AHI1: variants seen among roughly 807,000 people sequenced by gnomAD.
AHI1 encodes Abelson helper integration site 1.
A neutral mutation model predicts 149.3 loss-of-function variants in AHI1; 123 were observed. The observed-to-expected ratio is 0.82, with a 90% CI of 0.71 to 0.96. AHI1 has a LOEUF of 0.96. AHI1 is among the 40% of genes least tolerant of loss of function. The pLI is 0.00. For missense variants in AHI1, 1,439 were observed against 1,422.7 expected, an observed-to-expected ratio of 1.01 and a Z score of -0.18; for synonymous variants, 475 against 459.8, an observed-to-expected ratio of 1.03 and a Z score of -0.42.
chr6:135,431,116 C>T (rs1784591966), intron 17 of AHI1, 92 bp downstream of exon 17: 1 of 754,350 alleles, frequency 1.3e-6, no homozygotes, highest in Non-Finnish European at 2.0e-6. Context: ...AATGAGAGAA[C>T]AGAATGTCCT....
chr6:135,411,590 A>G, intron 20 of AHI1, 46 bp from the exon 21 acceptor site: 1 of 1,459,576 alleles, frequency 6.9e-7, no homozygotes. Flanking sequence ...TAGCAAAAGC[A>G]TAATCAAGCC....
intron 24 of AHI1, among the ~76,000 whole-genome samples, chr6:135,353,512 T>C (rs912728865): frequency 2.0e-5 from 3 of 152,136 alleles, no homozygotes; most frequent in African/African-American, 7.2e-5. Flanking sequence ...AAATATTATG[T>C]TAAAATATGA....
At chr6:135,392,895 G>T (rs1778711185) in intron 23 of AHI1, among the ~76,000 whole-genome samples, 1 of 152,078 alleles carries the variant, frequency 6.6e-6, no homozygotes, top group Non-Finnish European at 1.5e-5. Context: ...ATAAACACTG[G>T]CTTCTTAATA....
At chr6:135,293,425 GAAAA>G (rs1782647603) in intron 27 of AHI1, among the ~76,000 whole-genome samples, 28 of 90,194 alleles carry the variant, frequency 3.1e-4, no homozygotes, top group African/African-American at 9.7e-4. Context: ...AAAAAAAAAA[GAAAA>G]AAAGAAAGAA....
intron 20 of AHI1, among the ~76,000 whole-genome samples, chr6:135,424,909 C>A (rs1469809438): frequency 6.6e-6 from 1 of 151,872 alleles, no homozygotes; most frequent in African/African-American, 2.4e-5. Context: ...CATATGTAAA[C>A]TTTATTTTCA....
At chr6:135,343,580 ACT>A (rs1416681852) in intron 24 of AHI1, among the ~76,000 whole-genome samples, 2 of 151,190 alleles carry the variant, frequency 1.3e-5, no homozygotes, top group Non-Finnish European at 3.0e-5. Flanking sequence ...CTAAATATAA[ACT>A]CTTACATTTT....
intron 5 of AHI1, among the ~76,000 whole-genome samples, chr6:135,473,700 C>T (rs1792129171): frequency 6.6e-6 from 1 of 152,110 alleles, no homozygotes; most frequent in Non-Finnish European, 1.5e-5. Flanking sequence ...GTTCAGTGTA[C>T]AGCTCTTGCA....
chr6:135,374,109 T>TATATATATATA (rs1491273878), intron 23 of AHI1, among the ~76,000 whole-genome samples: 2 of 25,484 alleles, frequency 7.8e-5, no homozygotes, highest in African/African-American at 2.6e-4. Context: ...TATATATATA[T>TATATATATATA]TTTTTTTTTT....
chr6:135,319,341 G>A (rs1231570161), intron 25 of AHI1, among the ~76,000 whole-genome samples: 1 of 152,200 alleles, frequency 6.6e-6, no homozygotes, highest in Non-Finnish European at 1.5e-5. Context: ...GCTGGGCATG[G>A]TGGCGTGCAC....
At chr6:135,441,500 T>A (rs1007239548) in intron 14 of AHI1, among the ~76,000 whole-genome samples, 1 of 151,872 alleles carries the variant, frequency 6.6e-6, no homozygotes, top group African/African-American at 2.4e-5. Flanking sequence ...AGTAGACACA[T>A]CATAATCAAA....
At chr6:135,342,542 C>T (rs1273505364) in intron 24 of AHI1, among the ~76,000 whole-genome samples, 2 of 151,716 alleles carry the variant, frequency 1.3e-5, no homozygotes, top group Non-Finnish European at 3.0e-5. Flanking sequence ...TTATATTATA[C>T]ATCATAACAA....
At chr6:135,334,647 A>G (rs1321024417) in intron 24 of AHI1, among the ~76,000 whole-genome samples, 1 of 152,232 alleles carries the variant, frequency 6.6e-6, no homozygotes, top group Non-Finnish European at 1.5e-5. Flanking sequence ...TTTATTGGCT[A>G]TTCCCTAAAA....
intron 3 of AHI1, chr6:135,492,710 C>T (rs1795415883): frequency 2.0e-5 from 20 of 985,372 alleles, no homozygotes; most frequent in Non-Finnish European, 2.3e-5. Context: ...GGGTAGCACA[C>T]TCACAGTGAA....
intron 28 of AHI1, among the ~76,000 whole-genome samples, chr6:135,288,857 C>G (rs928822041): frequency 6.6e-6 from 1 of 151,762 alleles, no homozygotes; most frequent in Non-Finnish European, 1.5e-5. Flanking sequence ...AAAAAAAACC[C>G]TAACATATTA....
intron 2 of AHI1, 131 bp from the exon 3 acceptor site, chr6:135,496,029 T>C (rs1200683809): frequency 6.6e-6 from 1 of 152,294 alleles, no homozygotes; most frequent in African/African-American, 2.4e-5. Context: ...CATATACTTA[T>C]TTACTATTAA....
intron 26 of AHI1, among the ~76,000 whole-genome samples, chr6:135,314,409 A>T (rs988199938): frequency 5.3e-5 from 8 of 152,222 alleles, no homozygotes; most frequent in African/African-American, 1.9e-4. Context: ...CAGAAGTGTG[A>T]GAAAAAAATT....
chr6:135,451,512 G>C (rs990343454), intron 11 of AHI1, among the ~76,000 whole-genome samples: 1 of 152,040 alleles, frequency 6.6e-6, no homozygotes, highest in African/African-American at 2.4e-5. Context: ...CCCAAAAGAA[G>C]TCATTGGTGA....
Position 135,283,694 on chromosome 6 carries a change from T to C in AHI1, c.*1951A>G, listed in dbSNP as rs965609924. 3.3e-5 allele frequency: 5 copies of C among 152,148 alleles called. No homozygotes were observed. 9.4% of individuals were successfully genotyped at this position (152,148 alleles called of 1,614,324 possible). On this transcript the variant is annotated 3_prime_UTR_variant, in exon 29 of 29. Transcript: ENST00000265602. ...GTGGTAAAGAAACATCTTTTATTAATCTATTCATGAACATAACCCTAGTCT... is the reference window on the plus strand; with the variant it reads ...GTGGTAAAGAAACATCTTTTATTAACCTATTCATGAACATAACCCTAGTCT...
chr6:135,341,430 T>C (rs2128412551), intron 24 of AHI1, among the ~76,000 whole-genome samples: 1 of 152,076 alleles, frequency 6.6e-6, no homozygotes, highest in East Asian at 1.9e-4. Context: ...TATAAGTACA[T>C]GATACAGTCT....
Sources: allele counts gnomAD v4.1 joint callset (sites outside exome capture counted in the v4.1 genomes callset), GRCh38; gene constraint gnomAD v4.1.1; transcripts MANE v1.5; gene names NCBI Gene and HGNC (gene_info 2026-07-23, HGNC 2026-07-21).